SLC39A11: variants seen among roughly 807,000 people sequenced by gnomAD.
The protein encoded by SLC39A11 is zinc transporter ZIP11.
SLC39A11 carries 33 observed loss-of-function variants against 36.1 expected under a neutral mutation model. That is an observed-to-expected ratio of 0.91 (90% CI 0.69 to 1.22). The LOEUF (loss-of-function observed/expected upper bound fraction) is 1.22. SLC39A11 is among the 50% of genes most tolerant of loss of function. The probability of loss-of-function intolerance (pLI) is 0.00; values close to 1 mark genes in which losing one functional copy is unlikely to be tolerated. For missense variants in SLC39A11, 432 were observed against 430.3 expected, an observed-to-expected ratio of 1.00 and a Z score of -0.03; for synonymous variants, 166 against 170.3, an observed-to-expected ratio of 0.97 and a Z score of 0.20.
rs140563815 is a variant in SLC39A11 at position 73,055,906 on chromosome 17, C to A, written c.148-24192G>T. Among the ~76,000 whole-genome samples the A allele has an allele frequency of 4.9e-4, 74 of 152,332 alleles. No homozygotes were observed. In the East Asian group the frequency reaches 0.013, roughly 27 times the overall value. On this transcript the variant is annotated intron_variant, in intron 3 of 9. Coordinates refer to ENST00000255559, the MANE Select transcript of SLC39A11 (RefSeq NM_139177.4). ...CCATAAATGTCCCCTGACCACGTTG[C>A]AGCCCTGGGCTTCTCAAGCCATTCC...
At chr17:72,934,569 G>C (rs1227995122) in intron 5 of SLC39A11, among the ~76,000 whole-genome samples, 1 of 152,172 alleles carries the variant, frequency 6.6e-6, no homozygotes, top group Non-Finnish European at 1.5e-5. Flanking sequence ...GGGTGGCTGA[G>C]GCAGGAGAAT....
rs563952029 is a variant in SLC39A11 at position 72,773,874 on chromosome 17, A to C, written c.602-37155T>G. ...AGGAGGAACAGGGGCTGAAGCGCGA[A>C]ACACCAACCATCTGCAGAGTTCCTG... On this transcript the variant is annotated intron_variant, in intron 6 of 9. Coordinates refer to ENST00000255559, the MANE Select transcript of SLC39A11 (RefSeq NM_139177.4). Among the ~76,000 whole-genome samples, 432 of 152,326 alleles carry C rather than the reference A, an allele frequency of 2.8e-3. 1 individual carries two copies. The highest frequency in any genetic ancestry group is 9.6e-3 in the African/African-American group (400 of 41,576).
chr17:72,685,583 C>T (rs1237574115), intron 7 of SLC39A11, among the ~76,000 whole-genome samples: 1 of 152,234 alleles, frequency 6.6e-6, no homozygotes, highest in Non-Finnish European at 1.5e-5. Flanking sequence ...GGTCAGTTTT[C>T]ATCTGACCTG....
chr17:72,717,040 A>G lies in SLC39A11; in HGVS notation c.671+19610T>C, dbSNP rs1567979076. 6.1e-3 allele frequency among the ~76,000 whole-genome samples: 896 copies of G among 146,476 alleles called. 8 individuals are homozygous for G. Among genetic ancestry groups the G allele is most frequent in the African/African-American group, 0.022 (837 of 38,910 alleles). On this transcript the variant is annotated intron_variant, in intron 7 of 9. Coordinates refer to ENST00000255559, the MANE Select transcript of SLC39A11 (RefSeq NM_139177.4). Reference sequence around the variant, plus strand: ...ACACACACACATATACACATATAAAATATATATACACATATATACATATAT... The same window carrying G: ...ACACACACACATATACACATATAAAGTATATATACACATATATACATATAT...
intron 6 of SLC39A11, among the ~76,000 whole-genome samples, chr17:72,748,482 T>C (rs1401903912): frequency 2.0e-5 from 3 of 152,212 alleles, no homozygotes; most frequent in Non-Finnish European, 4.4e-5. Flanking sequence ...TTGTTTCACG[T>C]TGGGATCCCT....
intron 4 of SLC39A11, among the ~76,000 whole-genome samples, chr17:72,995,893 C>A (rs536151101): frequency 5.6e-4 from 85 of 152,262 alleles, no homozygotes; most frequent in Non-Finnish European, 7.9e-4. Flanking sequence ...ACTCCTCAAG[C>A]CAAAAATAAT....
At chr17:72,736,555 A>C in intron 7 of SLC39A11, 95 bp downstream of exon 7, 1 of 1,075,096 alleles carries the variant, frequency 9.3e-7, no homozygotes, top group South Asian at 1.3e-5. Context: ...GGGGTGCTGA[A>C]CAATAATGCA....
chr17:73,003,978 A>C (rs943083538), intron 4 of SLC39A11, among the ~76,000 whole-genome samples: 1 of 151,588 alleles, frequency 6.6e-6, no homozygotes, highest in African/African-American at 2.4e-5. Flanking sequence ...CCCAGCTACT[A>C]TGGAGGCTGA....
chr17:72,699,266 T>G (rs758653951), intron 7 of SLC39A11, among the ~76,000 whole-genome samples: 1 of 152,222 alleles, frequency 6.6e-6, no homozygotes, highest in Non-Finnish European at 1.5e-5. Context: ...AGGCAGCTGA[T>G]GAGCTAAAAT....
intron 6 of SLC39A11, among the ~76,000 whole-genome samples, chr17:72,760,511 G>A (rs904190146): frequency 2.6e-5 from 4 of 152,078 alleles, no homozygotes; most frequent in East Asian, 3.9e-4. Flanking sequence ...ACAATCCCAC[G>A]GCCACTGAGC....
At chr17:72,822,962 CTG>C (rs77636058) in intron 6 of SLC39A11, among the ~76,000 whole-genome samples, 11,720 of 150,936 alleles carry the variant, frequency 0.078, 829 homozygotes, top group Middle Eastern at 0.12. Flanking sequence ...TCTCAAACTC[CTG>C]AGCTCAAGCA....
At chr17:72,849,574 G>GACGC in intron 6 of SLC39A11, 60 bp downstream of exon 6, 3 of 1,407,726 alleles carry the variant, frequency 2.1e-6, no homozygotes, top group Non-Finnish European at 2.8e-6. Context: ...CCAGACAACT[G>GACGC]TGCTGACAAA....
intron 1 of SLC39A11, among the ~76,000 whole-genome samples, chr17:73,089,261 C>G (rs1013348819): frequency 3.3e-5 from 5 of 152,138 alleles, no homozygotes; most frequent in African/African-American, 1.2e-4. Context: ...CGCACCTGCC[C>G]AGCCAAAGGG....
At chr17:72,747,703 T>C (rs1188098901) in intron 6 of SLC39A11, among the ~76,000 whole-genome samples, 2 of 152,164 alleles carry the variant, frequency 1.3e-5, no homozygotes, top group Non-Finnish European at 2.9e-5. Context: ...TGGCTGATGA[T>C]TTGCTGATAA....
chr17:72,856,658 A>G (rs958081431), intron 5 of SLC39A11, among the ~76,000 whole-genome samples: 3 of 152,010 alleles, frequency 2.0e-5, no homozygotes, highest in East Asian at 1.9e-4. Context: ...TTCTCAGGCA[A>G]TTGTCTCTTT....
chr17:72,808,007 A>C (rs2077317032), intron 6 of SLC39A11, among the ~76,000 whole-genome samples: 2 of 152,176 alleles, frequency 1.3e-5, no homozygotes, highest in African/African-American at 4.8e-5. Flanking sequence ...GTAAGGCACC[A>C]AATTGGTGCT....
chr17:72,993,831 T>C lies in SLC39A11; in HGVS notation c.306+37725A>G, dbSNP rs570654202. On this transcript the variant is annotated intron_variant, in intron 4 of 9. Coordinates refer to ENST00000255559, the MANE Select transcript of SLC39A11 (RefSeq NM_139177.4). ...CCTACCCTTGAAATTCCCTGGTGCC[T>C]ACTGCCCCTTCCGAGTCAGCACCCC... Among the ~76,000 whole-genome samples the C allele has an allele frequency of 3.3e-5, 5 of 152,314 alleles. No homozygotes were observed. The South Asian group carries it at 8.3e-4, about 25-fold the overall frequency.
At chr17:72,842,807 C>T (rs1328809197) in intron 6 of SLC39A11, among the ~76,000 whole-genome samples, 4 of 152,214 alleles carry the variant, frequency 2.6e-5, no homozygotes, top group Non-Finnish European at 5.9e-5. Context: ...TGTCTGCACT[C>T]TGTTTCTGGA....
chr17:72,930,820 T>C (rs1245115477), intron 5 of SLC39A11, among the ~76,000 whole-genome samples: 1 of 152,176 alleles, frequency 6.6e-6, no homozygotes, highest in Non-Finnish European at 1.5e-5. Flanking sequence ...GGGCTTCCAC[T>C]GTGTAAGTCA....
Sources: allele counts gnomAD v4.1 joint callset (sites outside exome capture counted in the v4.1 genomes callset), GRCh38; gene constraint gnomAD v4.1.1; transcripts MANE v1.5; gene names NCBI Gene and HGNC (gene_info 2026-07-23, HGNC 2026-07-21).